CFAP206: variants seen among roughly 807,000 people sequenced by gnomAD.
CFAP206 encodes the protein cilia- and flagella-associated protein 206.
Under a neutral mutation model 65.4 loss-of-function variants are expected in CFAP206, and 53 were observed. The observed-to-expected ratio is 0.81, with a 90% CI of 0.65 to 1.02. The LOEUF (loss-of-function observed/expected upper bound fraction) is 1.02. Ranked by LOEUF, CFAP206 falls within the 50% of genes least tolerant of loss-of-function variation. The pLI is 0.00. For synonymous variants in CFAP206, 250 were observed against 254.4 expected, an observed-to-expected ratio of 0.98 and a Z score of 0.17; for missense variants, 663 against 753.2, an observed-to-expected ratio of 0.88 and a Z score of 1.40.
intron 11 of CFAP206, among the ~76,000 whole-genome samples, chr6:87,453,204 A>T (rs1006887080): frequency 2.0e-5 from 3 of 152,124 alleles, no homozygotes; most frequent in East Asian, 1.9e-4. Context: ...GGAAAAAAAA[A>T]TTTTTTATCC....
chr6:87,433,066 G>A (rs551690646), intron 10 of CFAP206, among the ~76,000 whole-genome samples: 1 of 152,166 alleles, frequency 6.6e-6, no homozygotes, highest in African/African-American at 2.4e-5. Context: ...CTTTCTTGCT[G>A]TTGTTGAACA....
chr6:87,427,482 T>C (rs1019353062), intron 8 of CFAP206, among the ~76,000 whole-genome samples: 4 of 152,240 alleles, frequency 2.6e-5, no homozygotes, highest in African/African-American at 9.6e-5. Flanking sequence ...GTAATAACTT[T>C]CTGCAGTCAT....
At position 87,464,256 on chromosome 6, in the gene CFAP206, GACA is replaced by G. The variant is rs1214947865; in HGVS notation, c.*9_*11del. ...GAGATGTGGATGAAACCTAATTACA[GACA>G]ACGTTTTAAAATAGATGCTACTCAA... On this transcript the variant is annotated 3_prime_UTR_variant, in exon 13 of 13. Transcript: ENST00000369562. The G allele has an allele frequency of 2.5e-6, 4 of 1,606,290 alleles. No homozygotes were observed. The highest frequency in any genetic ancestry group is 3.4e-6 in the Non-Finnish European group (4 of 1,174,208).
intron 7 of CFAP206, among the ~76,000 whole-genome samples, chr6:87,424,420 A>T (rs985885842): frequency 2.0e-5 from 3 of 151,906 alleles, no homozygotes; most frequent in African/African-American, 7.3e-5. Context: ...GCTGGGACAT[A>T]GGCAGGTGCC....
intron 11 of CFAP206, among the ~76,000 whole-genome samples, chr6:87,455,383 A>G (rs1033240768): frequency 7.9e-5 from 12 of 152,210 alleles, no homozygotes; most frequent in Non-Finnish European, 1.2e-4. Context: ...AGCAATAACT[A>G]TCTACATGAA....
chr6:87,427,300 G>A (rs1768059321), intron 8 of CFAP206, among the ~76,000 whole-genome samples: 1 of 152,196 alleles, frequency 6.6e-6, no homozygotes, highest in South Asian at 2.1e-4. Context: ...ACCATGCCCA[G>A]CTAATTTTTT....
chr6:87,422,860 C>A (rs1231932914), intron 7 of CFAP206, among the ~76,000 whole-genome samples: 2 of 151,972 alleles, frequency 1.3e-5, no homozygotes, highest in Non-Finnish European at 2.9e-5. Flanking sequence ...AGAAAAAAAG[C>A]AAGAAGCTCT....
chr6:87,419,624 T>C (rs776062121), intron 7 of CFAP206, among the ~76,000 whole-genome samples: 1 of 152,224 alleles, frequency 6.6e-6, no homozygotes, highest in Non-Finnish European at 1.5e-5. Flanking sequence ...GTCTTTTGTA[T>C]GAGTGAATGC....
rs1270300867 is a variant in CFAP206 at position 87,435,008 on chromosome 6, A to G, written c.1449A>G (p.Leu483=). ...AAAAAAATACAGAGTTAATTCAACTATTGGAACTTCATCAACAGTTTGAAA... is the reference window on the plus strand; with the variant it reads ...AAAAAAATACAGAGTTAATTCAACTGTTGGAACTTCATCAACAGTTTGAAA... The part of the protein sequence containing the change: ...KAKKNTELIQ[L]LELHQQFETF... The change falls in exon 11 of 13, where the codon CTA becomes CTG. Residue 483 remains leucine, a synonymous_variant. Transcript: ENST00000369562. 6.2e-7 allele frequency: 1 copy of G among 1,607,798 alleles called. No homozygotes were observed. The highest frequency in any genetic ancestry group is 2.2e-5 in the East Asian group (1 of 44,700).
intron 10 of CFAP206, among the ~76,000 whole-genome samples, chr6:87,432,801 C>T (rs1768182103): frequency 1.3e-5 from 2 of 152,182 alleles, no homozygotes; most frequent in Admixed American, 1.3e-4. Flanking sequence ...TTTCATATTC[C>T]TCTCTGGATA....
intron 11 of CFAP206, chr6:87,436,585 A>C (rs914931086): frequency 6.5e-6 from 1 of 152,900 alleles, no homozygotes; most frequent in Non-Finnish European, 1.5e-5. Context: ...GGTGGGGGGA[A>C]GTATGGTAGT....
chr6:87,445,451 G>A (rs561981644), intron 11 of CFAP206, among the ~76,000 whole-genome samples: 24 of 152,210 alleles, frequency 1.6e-4, no homozygotes, highest in Non-Finnish European at 2.9e-4. Context: ...GTGAGAACAC[G>A]TGGTGTTTGG....
At chr6:87,463,892 C>T (rs1768782013) in intron 12 of CFAP206, 128 bp from the exon 13 acceptor site, 2 of 571,620 alleles carry the variant, frequency 3.5e-6, no homozygotes, top group Non-Finnish European at 5.8e-6. Flanking sequence ...AGAAAAAATG[C>T]TATGTTATGG....
At chr6:87,461,593 A>G (rs1026530220) in intron 12 of CFAP206, among the ~76,000 whole-genome samples, 7 of 152,188 alleles carry the variant, frequency 4.6e-5, no homozygotes, top group Non-Finnish European at 7.4e-5. Context: ...CAATATAGAT[A>G]CCTACCCTTA....
At chr6:87,450,475 A>ATTGTG (rs1768520554) in intron 11 of CFAP206, among the ~76,000 whole-genome samples, 1 of 130,358 alleles carries the variant, frequency 7.7e-6, no homozygotes, top group Non-Finnish European at 1.6e-5. Context: ...ATAAATGAAA[A>ATTGTG]TGTGTGTGTG....
intron 11 of CFAP206, among the ~76,000 whole-genome samples, chr6:87,459,829 T>C (rs140620917): frequency 5.3e-5 from 8 of 152,342 alleles, no homozygotes; most frequent in African/African-American, 1.9e-4. Flanking sequence ...ATGCCTCGTT[T>C]TCCACTAAAG....
At chr6:87,445,781 T>C (rs111319059) in intron 11 of CFAP206, among the ~76,000 whole-genome samples, 1,671 of 152,284 alleles carry the variant, frequency 0.011, 38 homozygotes, top group African/African-American at 0.038. Flanking sequence ...GGAATCACCA[T>C]ACTATCTTCC....
At chr6:87,454,140 C>T (rs1356374292) in intron 11 of CFAP206, among the ~76,000 whole-genome samples, 1 of 152,048 alleles carries the variant, frequency 6.6e-6, no homozygotes, top group Non-Finnish European at 1.5e-5. Context: ...TAAAAAGACA[C>T]AGAGAAGATC....
chr6:87,453,941 G>GT (rs1189764918), intron 11 of CFAP206, among the ~76,000 whole-genome samples: 1 of 152,056 alleles, frequency 6.6e-6, no homozygotes, highest in Non-Finnish European at 1.5e-5. Flanking sequence ...AAAAGACAGA[G>GT]TAGCTGAATG....
Sources: gnomAD v4.1 joint callset for allele counts (sites outside exome capture counted in the v4.1 genomes callset) on GRCh38, gnomAD v4.1.1 for gene constraint, MANE v1.5 for transcripts, NCBI Gene and HGNC (gene_info 2026-07-23, HGNC 2026-07-21) for gene names.